PGM2: variants seen among roughly 807,000 people sequenced by gnomAD.
PGM2 encodes the protein phosphoglucomutase 2, also known as phosphopentomutase.
A neutral mutation model predicts 74.6 loss-of-function variants in PGM2; 57 were observed. The observed-to-expected ratio is 0.76, with a 90% CI of 0.62 to 0.95. The LOEUF is 0.95. Among genes scored for constraint, PGM2 ranks in the 40% least tolerant of loss-of-function variants. The pLI, the probability that PGM2 is intolerant of heterozygous loss-of-function variation, is 0.00. For synonymous variants in PGM2, 273 were observed against 260.7 expected, an observed-to-expected ratio of 1.05 and a Z score of -0.46; for missense variants, 706 against 741.9, an observed-to-expected ratio of 0.95 and a Z score of 0.56.
In PGM2 at chr4:37,837,599, C is replaced by G; in HGVS notation, c.427C>G (p.Pro143Ala). 6.2e-7 allele frequency: 1 copy of G among 1,607,976 alleles called. No homozygotes were observed. Among genetic ancestry groups the G allele is most frequent in the South Asian group, 1.1e-5 (1 of 90,966 alleles). Residue 143 changes from proline to alanine, a missense_variant, in exon 4 of 14, where the codon CCA becomes GCA. Pro to Ala is a conservative substitution (Grantham distance 27, BLOSUM62 -1). Transcript: ENST00000381967. Reference sequence around the variant, plus strand: ...TGTGTACCTCTTTTCTGATATAACGCCAACCCCCTTTGTGGTAAGTAGCCA... The same window carrying G: ...TGTGTACCTCTTTTCTGATATAACGGCAACCCCCTTTGTGGTAAGTAGCCA... ...IPVYLFSDIT[P>A]TPFVPFTVSH...
chr4:37,839,929 A>G lies in PGM2; in HGVS notation c.523A>G (p.Lys175Glu). 1 of 1,587,334 alleles carries G rather than the reference A, an allele frequency of 6.3e-7. No individual in the cohort carries two copies. Among genetic ancestry groups the G allele is most frequent in the Non-Finnish European group, 8.7e-7 (1 of 1,156,064 alleles). ...CAATCCAAAGCAGGATAATGGTTAT[A>G]AGGTATTTTCCTTTTTCTACTCCAC... The part of the protein sequence containing the change: ...SHNPKQDNGY[K>E]VYWDNGAQII... Residue 175 changes from lysine (K) to glutamate (E), a missense_variant and splice_region_variant, in exon 5 of 14, where the codon AAG becomes GAG. Around this residue, in one of 3 missense-constraint regions of PGM2, gnomAD observed 332 missense variants for 334.9 expected, o/e 0.99. Coordinates refer to ENST00000381967, the MANE Select transcript of PGM2 (RefSeq NM_018290.4).
chr4:37,848,573 T>TC lies in PGM2; in HGVS notation c.1335dup (p.Ile446HisfsTer7). On this transcript the variant is annotated frameshift_variant, in exon 11 of 14. Coordinates refer to ENST00000381967, the MANE Select transcript of PGM2 (RefSeq NM_018290.4). LOFTEE classifies it high-confidence loss of function. ...GACAAAGATGGAGTCAGTGCCGCTG[T>TC]CATAAGTGCAGAGTTGGCTAGCTTC... 6.2e-7 allele frequency: 1 copy of TC among 1,613,748 alleles called. No individual in the cohort carries two copies. The highest frequency in any genetic ancestry group is 2.2e-5 in the East Asian group (1 of 44,880).
intron 2 of PGM2, 109 bp downstream of exon 2, chr4:37,830,240 G>A (rs10020910): frequency 0.042 from 31,285 of 746,252 alleles, 1,422 homozygotes; most frequent in African/African-American, 0.14. Flanking sequence ...AGCTTGGCTA[G>A]ACACAGGAAG....
In PGM2 at chr4:37,847,293, T is replaced by C. The variant is rs1215744741; in HGVS notation, c.1280T>C (p.Ile427Thr). The C allele has an allele frequency of 9.3e-6, 15 of 1,605,906 alleles. No individual in the cohort carries two copies. The highest frequency in any genetic ancestry group is 1.2e-5 in the Non-Finnish European group (14 of 1,172,572). ...KTVLFAFEEA[I>T]GYMCCPFVLD... is the part of the protein sequence containing the mutation. ...GTTTTATTTGCATTTGAAGAAGCTA[T>C]TGGTAAGAAGTGATCATGAACATTA... is the stretch of plus-strand genomic sequence containing the variant. The change falls in exon 10 of 14, where the codon ATT becomes ACT. Residue 427 changes from isoleucine to threonine, a missense_variant and splice_region_variant. By Grantham distance (89) the Ile-to-Thr change is moderately conservative (BLOSUM62 -1). This residue lies in a region of PGM2 where 359 missense variants were observed against 371.1 expected (regional missense o/e 0.97). Coordinates refer to ENST00000381967, the MANE Select transcript of PGM2 (RefSeq NM_018290.4).
intron 3 of PGM2, among the ~76,000 whole-genome samples, chr4:37,835,654 A>T (rs1334817266): frequency 2.0e-5 from 3 of 152,202 alleles, no homozygotes; most frequent in Non-Finnish European, 4.4e-5. Flanking sequence ...AGCTTTACAG[A>T]GCTGGATGAG....
intron 6 of PGM2, among the ~76,000 whole-genome samples, chr4:37,842,889 C>T (rs905067265): frequency 2.6e-5 from 4 of 152,098 alleles, no homozygotes; most frequent in African/African-American, 9.7e-5. Flanking sequence ...TCTCGTATTC[C>T]TGAGCTCAAG....
chr4:37,828,774 C>G (rs138710273), intron 1 of PGM2, among the ~76,000 whole-genome samples: 2 of 152,306 alleles, frequency 1.3e-5, no homozygotes, highest in East Asian at 1.9e-4. Context: ...TTTTCTGATT[C>G]ACTCCACTAA....
intron 4 of PGM2, among the ~76,000 whole-genome samples, chr4:37,838,776 A>G (rs922588211): frequency 2.6e-5 from 4 of 152,236 alleles, no homozygotes; most frequent in African/African-American, 7.2e-5. Flanking sequence ...ATTTTATGTC[A>G]GACATGAATT....
At chr4:37,858,998 C>T (rs1303310069) in intron 13 of PGM2, among the ~76,000 whole-genome samples, 1 of 152,162 alleles carries the variant, frequency 6.6e-6, no homozygotes, top group African/African-American at 2.4e-5. Context: ...GTCACCACTA[C>T]TCAGCTCTGC....
At chr4:37,846,337 C>T (rs1003410479) in intron 8 of PGM2, among the ~76,000 whole-genome samples, 3 of 152,098 alleles carry the variant, frequency 2.0e-5, no homozygotes, top group African/African-American at 7.2e-5. Flanking sequence ...GTAGGGTTTT[C>T]AGATTGTGAT....
At chr4:37,839,172 G>A (rs1276301276) in intron 4 of PGM2, among the ~76,000 whole-genome samples, 1 of 141,266 alleles carries the variant, frequency 7.1e-6, no homozygotes, top group Non-Finnish European at 1.5e-5. Flanking sequence ...AGGCTGGAGT[G>A]CAATGGCAGG....
At chr4:37,841,897 T>C (rs1397679821) in intron 6 of PGM2, among the ~76,000 whole-genome samples, 1 of 152,224 alleles carries the variant, frequency 6.6e-6, no homozygotes, top group Non-Finnish European at 1.5e-5. Flanking sequence ...CTTTCTGGCA[T>C]CAAAATTGTA....
At chr4:37,835,534 T>C (rs1460840879) in intron 3 of PGM2, among the ~76,000 whole-genome samples, 1 of 152,214 alleles carries the variant, frequency 6.6e-6, no homozygotes, top group Non-Finnish European at 1.5e-5. Flanking sequence ...ATAACCCTCT[T>C]TTTTACTTGA....
intron 1 of PGM2, among the ~76,000 whole-genome samples, chr4:37,827,895 A>T (rs1725339971): frequency 6.6e-6 from 1 of 152,160 alleles, no homozygotes; most frequent in South Asian, 2.1e-4. Context: ...TTCATTGTGC[A>T]CTGGACCTCC....
At chr4:37,839,624 A>G (rs1725653228) in intron 4 of PGM2, 2 of 657,764 alleles carry the variant, frequency 3.0e-6, no homozygotes, top group Non-Finnish European at 5.6e-6. Flanking sequence ...TGAGGAAATT[A>G]CTCACCTTTC....
At chr4:37,836,370 G>C (rs1420621391) in intron 3 of PGM2, among the ~76,000 whole-genome samples, 3 of 152,224 alleles carry the variant, frequency 2.0e-5, no homozygotes, top group African/African-American at 7.2e-5. Flanking sequence ...AAATATTCAT[G>C]ATGAGTGAAT....
intron 10 of PGM2, among the ~76,000 whole-genome samples, chr4:37,847,851 C>G (rs1426350486): frequency 1.3e-5 from 2 of 152,182 alleles, no homozygotes; most frequent in African/African-American, 4.8e-5. Flanking sequence ...TCACATTGTA[C>G]CAAACGCTTT....
chr4:37,829,135 G>A (rs576818954), intron 1 of PGM2, among the ~76,000 whole-genome samples: 1 of 151,984 alleles, frequency 6.6e-6, no homozygotes, highest in African/African-American at 2.4e-5. Context: ...TGAAACTAAT[G>A]TGATTGTCAT....
intron 12 of PGM2, among the ~76,000 whole-genome samples, chr4:37,851,375 T>G (rs935850426): frequency 3.3e-5 from 5 of 152,240 alleles, no homozygotes; most frequent in Admixed American, 2.0e-4. Context: ...GTTCTCTGAG[T>G]GTATTGGAGC....
Sources: allele counts gnomAD v4.1 joint callset (sites outside exome capture counted in the v4.1 genomes callset), GRCh38; gene constraint gnomAD v4.1.1; regional missense constraint gnomAD v4.1.1; transcripts MANE v1.5; gene names NCBI Gene and HGNC (gene_info 2026-07-23, HGNC 2026-07-21).